The following BIRC6 variants were observed in gnomAD, a reference collection of about 807,000 sequenced individuals.
BIRC6 encodes dual E2 ubiquitin-conjugating enzyme/E3 ubiquitin-protein ligase BIRC6.
A neutral mutation model predicts 503.3 loss-of-function variants in BIRC6; 98 were observed. The ratio of observed to expected loss-of-function variants is 0.19; its 90% CI spans 0.17 to 0.23. The LOEUF is 0.23. Among genes scored for constraint, BIRC6 ranks in the 10% least tolerant of loss-of-function variants. The pLI, the probability that BIRC6 is intolerant of heterozygous loss-of-function variation, is 1.00. For missense variants in BIRC6, 5,360 were observed against 5,806.0 expected, an observed-to-expected ratio of 0.92 and a Z score of 2.50; for synonymous variants, 2,240 against 2,078.7, an observed-to-expected ratio of 1.08 and a Z score of -2.11.
chr2:32,507,294 G>C (rs754931681), intron 50 of BIRC6, among the ~76,000 whole-genome samples: 1 of 152,124 alleles, frequency 6.6e-6, no homozygotes, highest in Admixed American at 6.5e-5. Context: ...CCTAGATGTA[G>C]TGGCACCTAC....
chr2:32,532,530 C>A (rs1300317335), intron 61 of BIRC6, among the ~76,000 whole-genome samples: 1 of 152,096 alleles, frequency 6.6e-6, no homozygotes, highest in Non-Finnish European at 1.5e-5. Context: ...TCCTGCAAAC[C>A]ATTATCTCCT....
At chr2:32,569,445 T>C (rs2059774540) in intron 65 of BIRC6, among the ~76,000 whole-genome samples, 1 of 152,346 alleles carries the variant, frequency 6.6e-6, no homozygotes, top group East Asian at 1.9e-4. Flanking sequence ...CAGAGCTCAC[T>C]GTAGCCTCGA....
chr2:32,398,826 A>T lies in BIRC6; in HGVS notation c.1035-2337A>T, dbSNP rs981914949. Among the ~76,000 whole-genome samples, 9 of 152,266 alleles carry T rather than the reference A, an allele frequency of 5.9e-5. 1 individual carries two copies. The highest frequency in any genetic ancestry group is 6.5e-5 in the Admixed American group (1 of 15,286). On this transcript the variant is annotated intron_variant, in intron 6 of 73. Transcript: ENST00000421745. ...GTAAGGTACGCTAGATTTAGCTGGG[A>T]GGGAACCTGGCCCAAATGTCATTTG...
chr2:32,436,082 C>A lies in BIRC6; in HGVS notation c.3529C>A (p.His1177Asn). 6.9e-7 allele frequency: 1 copy of A among 1,449,560 alleles called. No homozygotes were observed. The highest frequency in any genetic ancestry group is 9.2e-7 in the Non-Finnish European group (1 of 1,084,336). 89.8% of individuals were successfully genotyped at this position (1,449,560 alleles called of 1,614,324 possible). A position where few individuals can be genotyped will look rare whatever the true frequency, so the allele number is the denominator to read the frequency against. Residue 1177 changes from histidine (H) to asparagine (N), a missense_variant, in exon 15 of 74, where the codon CAT becomes AAT. Physicochemically the swap from His to Asn is moderately conservative, Grantham distance 68. Transcript: ENST00000421745. The part of the protein sequence containing the change: ...CLRLCPFLED[H>N]KEDILCGPVW... ...TAGATTATGTCCATTTTTGGAGGAT[C>A]ATAAAGAAGACATTCTATGTGGGCC...
intron 1 of BIRC6, among the ~76,000 whole-genome samples, chr2:32,373,153 C>G (rs934467544): frequency 4.6e-5 from 7 of 152,160 alleles, no homozygotes; most frequent in Non-Finnish European, 8.8e-5. Flanking sequence ...AAACAATTTG[C>G]AGACTCATTG....
At chr2:32,465,290 G>A (rs1358757154) in intron 26 of BIRC6, 126 bp downstream of exon 26, 3 of 570,542 alleles carry the variant, frequency 5.3e-6, no homozygotes, top group African/African-American at 2.1e-5. Flanking sequence ...TTTCCTCTTG[G>A]GTTAAGTACA....
chr2:32,519,019 A>G (rs2149767987), intron 57 of BIRC6, 73 bp downstream of exon 57: 1 of 1,432,414 alleles, frequency 7.0e-7, no homozygotes, highest in Non-Finnish European at 9.5e-7. Context: ...TGTTTTTATA[A>G]CTTTATTTTC....
At chr2:32,534,643 A>G (rs1033229304) in intron 61 of BIRC6, among the ~76,000 whole-genome samples, 9 of 144,154 alleles carry the variant, frequency 6.2e-5, no homozygotes, top group African/African-American at 2.0e-4. Flanking sequence ...AGGAAGGAGA[A>G]TTGCTTGAAC....
intron 24 of BIRC6, 113 bp downstream of exon 24, chr2:32,463,494 C>A: frequency 9.2e-7 from 1 of 1,082,464 alleles, no homozygotes; most frequent in Non-Finnish European, 1.3e-6. Context: ...CTGATCTGAG[C>A]TAATCAGTTT....
chr2:32,479,086 A>G lies in BIRC6; in HGVS notation c.7252+268A>G, dbSNP rs532161643. 1.2e-4 allele frequency among the ~76,000 whole-genome samples: 18 copies of G among 152,340 alleles called. No individual in the cohort carries two copies. In the South Asian group the frequency reaches 3.7e-3, roughly 32 times the overall value. ...AATATTGGAGCTAGCCTGCTTTATT[A>G]TTAACATCAGTGGTATGCTGCTTAC... On this transcript the variant is annotated intron_variant, in intron 36 of 73. Coordinates refer to ENST00000421745, the MANE Select transcript of BIRC6 (RefSeq NM_016252.4).
chr2:32,404,596 G>C (rs2040984454), intron 8 of BIRC6, among the ~76,000 whole-genome samples: 1 of 152,100 alleles, frequency 6.6e-6, no homozygotes, highest in Admixed American at 6.5e-5. Context: ...TTATAGGTGT[G>C]AGCCACTGCA....
chr2:32,447,699 G>A (rs1282124608), intron 21 of BIRC6, among the ~76,000 whole-genome samples: 1 of 102,820 alleles, frequency 9.7e-6, no homozygotes, highest in African/African-American at 4.0e-5. Context: ...GGCCGGGCGG[G>A]GGGCTGACCC....
chr2:32,445,008 A>T (rs1386117551), intron 20 of BIRC6, among the ~76,000 whole-genome samples: 2 of 152,212 alleles, frequency 1.3e-5, no homozygotes, highest in Non-Finnish European at 2.9e-5. Flanking sequence ...CTGTCATGAT[A>T]ATCTTTTAAG....
intron 57 of BIRC6, among the ~76,000 whole-genome samples, chr2:32,524,149 C>G (rs2056041431): frequency 6.6e-6 from 1 of 151,832 alleles, no homozygotes; most frequent in Admixed American, 6.6e-5. Context: ...ATAACTAAAT[C>G]ACATTATATG....
intron 20 of BIRC6, among the ~76,000 whole-genome samples, chr2:32,444,348 A>G (rs2045739816): frequency 6.6e-6 from 1 of 152,206 alleles, no homozygotes; most frequent in South Asian, 2.1e-4. Flanking sequence ...CATATTTCAA[A>G]ACATCACATA....
At chr2:32,574,841 C>T (rs1192498762) in intron 65 of BIRC6, 1 of 357,370 alleles carries the variant, frequency 2.8e-6, no homozygotes, top group Non-Finnish European at 5.4e-6. Flanking sequence ...CTCCGCCTCC[C>T]AGGTTCAAAC....
At chr2:32,393,092 C>A (rs1391985629) in intron 5 of BIRC6, among the ~76,000 whole-genome samples, 1 of 151,758 alleles carries the variant, frequency 6.6e-6, no homozygotes, top group Non-Finnish European at 1.5e-5. Flanking sequence ...AGCAGTTTTA[C>A]AGTTTCGAAA....
rs1038901903 is a variant in BIRC6, at chr2:32,471,134, G to A, written c.6592+10G>A. ...AAGAAACCTTTGAATGGTAAAGACA[G>A]GGAGAGGTTTCTGACAGGTATCAGA... On this transcript the variant is annotated intron_variant, in intron 32 of 73. Coordinates refer to ENST00000421745, the MANE Select transcript of BIRC6 (RefSeq NM_016252.4). The A allele has an allele frequency of 3.9e-6, 6 of 1,557,910 alleles. No individual in the cohort carries two copies. In the African/African-American group the frequency reaches 6.8e-5, roughly 18 times the overall value.
intron 6 of BIRC6, among the ~76,000 whole-genome samples, chr2:32,400,832 G>C (rs925100025): frequency 6.6e-6 from 1 of 152,182 alleles, no homozygotes; most frequent in South Asian, 2.1e-4. Context: ...AAACCAGTGT[G>C]AGGAAATAAC....
Sources: allele counts gnomAD v4.1 joint callset (sites outside exome capture counted in the v4.1 genomes callset), GRCh38; gene constraint gnomAD v4.1.1; transcripts MANE v1.5; gene names NCBI Gene and HGNC (gene_info 2026-07-23, HGNC 2026-07-21).